Variants in ACSF2 observed in about 807,000 individuals in gnomAD.
ACSF2 encodes acyl-CoA synthetase family member 2.
A neutral mutation model predicts 79.3 loss-of-function variants in ACSF2; 52 were observed. The observed-to-expected ratio is 0.66, with a 90% CI of 0.53 to 0.83. The LOEUF is 0.83. ACSF2 is among the 40% of genes least tolerant of loss of function. The pLI is 0.00. For missense variants in ACSF2, 661 were observed against 803.3 expected (o/e 0.82, Z 2.14); for synonymous variants, 283 against 312.6 (o/e 0.91, Z 1.00).
chr17:50,427,145 A>G (rs776236889), intron 1 of ACSF2, among the ~76,000 whole-genome samples: 12 of 152,176 alleles, frequency 7.9e-5, no homozygotes, highest in Non-Finnish European at 1.6e-4. Context: ...AGCCTGTCCT[A>G]CCACTCAACT....
chr17:50,436,160 C>T (rs1295445387), intron 1 of ACSF2, among the ~76,000 whole-genome samples: 4 of 151,940 alleles, frequency 2.6e-5, no homozygotes, highest in Admixed American at 1.3e-4. Flanking sequence ...GACGGAGTCT[C>T]GCTCTGTTGC....
intron 3 of ACSF2, 120 bp from the exon 4 acceptor site, chr17:50,461,513 G>A: frequency 4.4e-6 from 7 of 1,587,894 alleles, no homozygotes; most frequent in Non-Finnish European, 6.0e-6. Flanking sequence ...GGCCCACCAA[G>A]GAGGTCTCTG....
At chr17:50,462,366 C>G in intron 5 of ACSF2, 54 bp from the exon 6 acceptor site, 1 of 1,602,126 alleles carries the variant, frequency 6.2e-7, no homozygotes. Flanking sequence ...TCACTTCCTA[C>G]CCACCCTGCC....
At chr17:50,462,392 T>G in intron 5 of ACSF2, 28 bp from the exon 6 acceptor site, 1 of 1,305,492 alleles carries the variant, frequency 7.7e-7, no homozygotes, top group Non-Finnish European at 1.1e-6. Context: ...CCTCAGCCCC[T>G]GTCTCTCACC....
rs185107519 is a variant in ACSF2, at chr17:50,453,118, T to A, written c.129-7559T>A. Among the ~76,000 whole-genome samples, 14 of 152,286 alleles carry A rather than the reference T, an allele frequency of 9.2e-5. No individual in the cohort carries two copies. The East Asian group carries it at 2.7e-3, about 29-fold the overall frequency. Reference sequence around the variant, plus strand: ...GGGTCCTCTGCTCCTGGCTCGGGTGTTCATCCGCCACGTGATCCACTTGAT... The same window carrying A: ...GGGTCCTCTGCTCCTGGCTCGGGTGATCATCCGCCACGTGATCCACTTGAT... On this transcript the variant is annotated intron_variant, in intron 1 of 15. Coordinates refer to ENST00000300441, the MANE Select transcript of ACSF2 (RefSeq NM_025149.6).
chr17:50,455,436 CAG>C (rs2031933695), intron 1 of ACSF2, among the ~76,000 whole-genome samples: 1 of 152,102 alleles, frequency 6.6e-6, no homozygotes, highest in Non-Finnish European at 1.5e-5. Flanking sequence ...AGAGAGTAAA[CAG>C]GGAGTGGGGA....
chr17:50,464,805 A>G (rs1246817594), intron 10 of ACSF2: 155 of 307,560 alleles, frequency 5.0e-4, no homozygotes, highest in African/African-American at 7.5e-4. Flanking sequence ...CTCCAAGAGG[A>G]GCTGGAGGGT....
chr17:50,426,394 T>C lies in ACSF2; in HGVS notation c.128+5T>C. On this transcript the variant is annotated splice_donor_5th_base_variant and intron_variant, in intron 1 of 15. Transcript: ENST00000300441. ...GCAGGGTGTCCGCTTCCTCAGGTAC[T>C]GGCCCCCCGCGGGAAGAGAGGGGGC... 7.5e-7 allele frequency: 1 copy of C among 1,333,368 alleles called. No individual in the cohort carries two copies. Among genetic ancestry groups the C allele is most frequent in the Non-Finnish European group, 9.7e-7 (1 of 1,034,928 alleles). The allele number at this position is 1,333,368 out of a possible 1,614,324, so 82.6% of individuals were successfully genotyped here.
At chr17:50,461,179 G>A in intron 2 of ACSF2, 63 bp from the exon 3 acceptor site, 1 of 1,608,784 alleles carries the variant, frequency 6.2e-7, no homozygotes, top group Non-Finnish European at 8.5e-7. Flanking sequence ...GGCTGAGGGT[G>A]GGAGTCTTGG....
chr17:50,460,671 C>G lies in ACSF2; in HGVS notation c.129-6C>G. ...ACAGTCAAACCCATAGCTCCTCTCCCTACAGTTCCAGAGAGGTGGATCGCA... is the reference window on the plus strand; with the variant it reads ...ACAGTCAAACCCATAGCTCCTCTCCGTACAGTTCCAGAGAGGTGGATCGCA... On this transcript the variant is annotated splice_polypyrimidine_tract_variant and splice_region_variant and intron_variant, in intron 1 of 15. Transcript: ENST00000300441. The G allele has an allele frequency of 6.2e-7, 1 of 1,608,180 alleles. No homozygotes were observed. The highest frequency in any genetic ancestry group is 1.3e-5 in the African/African-American group (1 of 74,964).
rs926002954 is a variant in ACSF2 at position 50,474,373 on chromosome 17, G to A, written c.1797+106G>A. 6.6e-7 allele frequency: 1 copy of A among 1,521,070 alleles called. No individual in the cohort carries two copies. The highest frequency in any genetic ancestry group is 1.4e-5 in the African/African-American group (1 of 72,582). 94.2% of individuals were successfully genotyped at this position (1,521,070 alleles called of 1,614,324 possible). A position where few individuals can be genotyped will look rare whatever the true frequency, so the allele number is the denominator to read the frequency against. On this transcript the variant is annotated intron_variant, in intron 15 of 15. Transcript: ENST00000300441. This position sits in a 1 kb window ranked among gnomAD's most constrained non-coding sequence, Gnocchi z 4.2. ...TGGGTGTGGAGAGACTGGCAGTAGGGTGACCGGGTCACCTAATCCTGGTTT... is the reference window on the plus strand; with the variant it reads ...TGGGTGTGGAGAGACTGGCAGTAGGATGACCGGGTCACCTAATCCTGGTTT...
chr17:50,454,911 G>C (rs2031899768), intron 1 of ACSF2, among the ~76,000 whole-genome samples: 1 of 152,044 alleles, frequency 6.6e-6, no homozygotes, highest in Non-Finnish European at 1.5e-5. Flanking sequence ...GGAGACCACT[G>C]TTTGGTCTGA....
intron 1 of ACSF2, among the ~76,000 whole-genome samples, chr17:50,454,755 G>T (rs2031888123): frequency 6.6e-6 from 1 of 152,180 alleles, no homozygotes; most frequent in African/African-American, 2.4e-5. Flanking sequence ...GGTGTGTCAT[G>T]AGAGAAGAAG....
intron 4 of ACSF2, among the ~76,000 whole-genome samples, chr17:50,461,951 T>TGTGTGTGTGTGTGTGC (rs112810352): frequency 4.0e-5 from 6 of 150,366 alleles, no homozygotes; most frequent in African/African-American, 1.5e-4. Flanking sequence ...TGTGTGTGTG[T>TGTGTGTGTGTGTGTGC]GCGTGTGTCC....
intron 10 of ACSF2, among the ~76,000 whole-genome samples, chr17:50,467,058 C>G (rs1463254562): frequency 2.0e-5 from 3 of 152,206 alleles, no homozygotes; most frequent in Non-Finnish European, 2.9e-5. Context: ...TAACCAGACT[C>G]TCCTCTACCT....
chr17:50,460,903 G>A (rs2143700447), intron 2 of ACSF2, 31 bp downstream of exon 2: 1 of 1,585,816 alleles, frequency 6.3e-7, no homozygotes. Context: ...CTCAAAGTGG[G>A]CAAGTACTAG....
At chr17:50,451,678 G>A (rs1306135809) in intron 1 of ACSF2, among the ~76,000 whole-genome samples, 5 of 152,202 alleles carry the variant, frequency 3.3e-5, no homozygotes, top group Admixed American at 6.5e-5. Flanking sequence ...TCGAACTCCT[G>A]ACCTCTGGTG....
chr17:50,471,421 A>C lies in ACSF2; in HGVS notation c.1323+286A>C. The C allele has an allele frequency of 2.3e-6, 1 of 436,012 alleles. No homozygotes were observed. The highest frequency in any genetic ancestry group is 4.2e-5 in the East Asian group (1 of 23,598). The allele number at this position is 436,012 out of a possible 1,614,324, so 27.0% of individuals were successfully genotyped here. On this transcript the variant is annotated intron_variant, in intron 11 of 15. Transcript: ENST00000300441. This position sits in a 1 kb window ranked among gnomAD's most constrained non-coding sequence, Gnocchi z 4.1. ...TTTTGCCAAGCCCACTGTCTGTTTC[A>C]GGGCAGCCAGGGTAGCCTCAAAGAG...
Position 50,464,281 on chromosome 17 carries a change from T to C in ACSF2, c.1202T>C (p.Met401Thr). Residue 401 changes from methionine to threonine, a missense_variant, in exon 10 of 16, where the codon ATG (methionine) becomes ACG (threonine). Physicochemically the swap from Met to Thr is moderately conservative, Grantham distance 81. Transcript: ENST00000300441. ...CGAGCCATCATCAACAAGATAAATA[T>C]GAAGGACCTGGTGGTGAGTGGTGAC... ...LIRAIINKIN[M>T]KDLVVAYGTT... 1 of 1,613,950 alleles carries C rather than the reference T, an allele frequency of 6.2e-7. No individual in the cohort carries two copies. Among genetic ancestry groups the C allele is most frequent in the East Asian group, 2.2e-5 (1 of 44,856 alleles).
Sources: allele counts gnomAD v4.1 joint callset (sites outside exome capture counted in the v4.1 genomes callset), GRCh38; gene constraint gnomAD v4.1.1; non-coding constraint Gnocchi (gnomAD v3.1); transcripts MANE v1.5; gene names NCBI Gene and HGNC (gene_info 2026-07-23, HGNC 2026-07-21).